ARHGAP10: variants seen among roughly 807,000 people sequenced by gnomAD.
The protein encoded by ARHGAP10 is rho GTPase-activating protein 10.
In ARHGAP10, 87 loss-of-function variants were observed where a neutral mutation model predicts 108.6. The observed-to-expected ratio is 0.80, with a 90% confidence interval of 0.67 to 0.96. The LOEUF is 0.96. ARHGAP10 is among the 40% of genes least tolerant of loss of function. The probability of loss-of-function intolerance (pLI) is 0.00; values close to 1 mark genes in which losing one functional copy is unlikely to be tolerated. For missense variants in ARHGAP10, 939 were observed against 954.5 expected, an observed-to-expected ratio of 0.98 and a Z score of 0.21; for synonymous variants, 347 against 341.1, an observed-to-expected ratio of 1.02 and a Z score of -0.19.
intron 15 of ARHGAP10, among the ~76,000 whole-genome samples, chr4:147,952,519 A>G (rs1738640365): frequency 6.6e-6 from 1 of 151,946 alleles, no homozygotes; most frequent in Admixed American, 6.6e-5. Context: ...GTAATGTTGA[A>G]CTTTTTTCCA....
chr4:147,915,157 A>C (rs1579196027), intron 13 of ARHGAP10, among the ~76,000 whole-genome samples: 1 of 151,948 alleles, frequency 6.6e-6, no homozygotes, highest in Non-Finnish European at 1.5e-5. Flanking sequence ...ATATCGGCGG[A>C]GTAGGAGCTG....
chr4:147,956,836 C>G (rs899341860), intron 16 of ARHGAP10, among the ~76,000 whole-genome samples: 1 of 151,212 alleles, frequency 6.6e-6, no homozygotes, highest in African/African-American at 2.4e-5. Flanking sequence ...TTTAAATGAC[C>G]ACAATCATTA....
At chr4:147,940,090 A>G (rs1738116431) in intron 14 of ARHGAP10, among the ~76,000 whole-genome samples, 191 bp downstream of exon 14, 1 of 152,202 alleles carries the variant, frequency 6.6e-6, no homozygotes, top group African/African-American at 2.4e-5. Flanking sequence ...TAGATTGTCT[A>G]TTACCTCTTA....
At chr4:147,779,933 T>C (rs185111964) in intron 1 of ARHGAP10, among the ~76,000 whole-genome samples, 92 of 152,316 alleles carry the variant, frequency 6.0e-4, no homozygotes, top group Non-Finnish European at 1.2e-3. Flanking sequence ...ACTTACACCC[T>C]TATAGTCTTG....
At chr4:147,847,352 C>A in intron 4 of ARHGAP10, 130 bp downstream of exon 4, 1 of 846,234 alleles carries the variant, frequency 1.2e-6, no homozygotes, top group Non-Finnish European at 1.8e-6. Context: ...TTGAAATGTG[C>A]TTTTCCCCCT....
chr4:147,880,422 G>GGA (rs1330033810), intron 9 of ARHGAP10, among the ~76,000 whole-genome samples: 1 of 152,198 alleles, frequency 6.6e-6, no homozygotes, highest in East Asian at 1.9e-4. Context: ...AAGGAAGTGA[G>GGA]GAGATGGCTC....
chr4:147,855,584 C>T (rs1220431797), intron 4 of ARHGAP10, among the ~76,000 whole-genome samples: 1 of 151,580 alleles, frequency 6.6e-6, no homozygotes, highest in Non-Finnish European at 1.5e-5. Context: ...ATGGGTGAAC[C>T]ATAGGATCAC....
chr4:147,734,924 A>G (rs4496566), intron 1 of ARHGAP10, among the ~76,000 whole-genome samples: 138,006 of 152,222 alleles, frequency 0.91, 63,453 homozygotes, highest in Non-Finnish European at 0.98. Context: ...TACAAAAATG[A>G]CCTTTTGAGC....
At chr4:147,791,539 CGCGTGCGT>C (rs1389207933) in intron 1 of ARHGAP10, among the ~76,000 whole-genome samples, 2 of 151,938 alleles carry the variant, frequency 1.3e-5, no homozygotes, top group African/African-American at 4.8e-5. Flanking sequence ...TGTGTGCGCG[CGCGTGCGT>C]GCGCGCGTGT....
chr4:147,970,145 A>G (rs1385945549), intron 18 of ARHGAP10, among the ~76,000 whole-genome samples: 1 of 152,198 alleles, frequency 6.6e-6, no homozygotes, highest in African/African-American at 2.4e-5. Flanking sequence ...ACTTCACTGC[A>G]GAGTCCAGGC....
At chr4:148,045,624 A>G (rs984383675) in intron 19 of ARHGAP10, among the ~76,000 whole-genome samples, 1 of 151,350 alleles carries the variant, frequency 6.6e-6, no homozygotes, top group South Asian at 2.1e-4. Flanking sequence ...TGTAATCCCA[A>G]CTACTCGGGA....
rs139576376 is a variant in ARHGAP10 at position 148,070,555 on chromosome 4, G to A, written c.2273-1438G>A. Among the ~76,000 whole-genome samples the A allele has an allele frequency of 3.5e-3, 532 of 152,268 alleles. 3 individuals are homozygous for A. Among genetic ancestry groups the A allele is most frequent in the African/African-American group, 0.012 (485 of 41,566 alleles). The stretch of plus-strand genomic sequence containing the variant: ...CCTTAGAGGACCATGAACTCAATTC[G>A]CTGAGTTGCAATTAGCATTCAAAGA... On this transcript the variant is annotated intron_variant, in intron 22 of 22. Coordinates refer to ENST00000336498, the MANE Select transcript of ARHGAP10 (RefSeq NM_024605.4).
chr4:148,005,642 G>A (rs966031991), intron 18 of ARHGAP10, among the ~76,000 whole-genome samples: 6 of 152,208 alleles, frequency 3.9e-5, no homozygotes, highest in African/African-American at 1.4e-4. Flanking sequence ...AAAACTAGAA[G>A]TTGCTGGAGG....
chr4:148,004,311 C>G (rs1740855453), intron 18 of ARHGAP10, among the ~76,000 whole-genome samples: 1 of 152,170 alleles, frequency 6.6e-6, no homozygotes, highest in African/African-American at 2.4e-5. Context: ...TCTTTTAATG[C>G]AAAAGTCAGA....
chr4:147,811,770 C>G (rs902452129), intron 1 of ARHGAP10, among the ~76,000 whole-genome samples: 12 of 152,160 alleles, frequency 7.9e-5, no homozygotes, highest in African/African-American at 2.9e-4. Flanking sequence ...TAGCCACTTG[C>G]AGAGTGCAAT....
At chr4:147,850,737 C>T (rs1733847098) in intron 4 of ARHGAP10, among the ~76,000 whole-genome samples, 1 of 152,218 alleles carries the variant, frequency 6.6e-6, no homozygotes, top group Non-Finnish European at 1.5e-5. Flanking sequence ...GGAACCAATT[C>T]TGGACACAAC....
chr4:147,844,954 T>A (rs1733575878), intron 3 of ARHGAP10, among the ~76,000 whole-genome samples: 2 of 152,164 alleles, frequency 1.3e-5, no homozygotes, highest in Admixed American at 6.5e-5. Context: ...CCCAATAAAA[T>A]GCTAACCTTT....
intron 13 of ARHGAP10, among the ~76,000 whole-genome samples, chr4:147,935,476 G>A (rs953687299): frequency 1.3e-5 from 2 of 152,150 alleles, no homozygotes; most frequent in Admixed American, 1.3e-4. Context: ...AAGAAAGAGT[G>A]GACATTGACT....
intron 18 of ARHGAP10, among the ~76,000 whole-genome samples, chr4:148,019,066 G>C (rs1374081410): frequency 6.6e-6 from 1 of 152,214 alleles, no homozygotes; most frequent in Non-Finnish European, 1.5e-5. Context: ...AATAAATACA[G>C]GAAACAGTTG....
Sources: gnomAD v4.1 joint callset for allele counts (sites outside exome capture counted in the v4.1 genomes callset) on GRCh38, gnomAD v4.1.1 for gene constraint, MANE v1.5 for transcripts, NCBI Gene and HGNC (gene_info 2026-07-23, HGNC 2026-07-21) for gene names.